PHEX: variants seen among roughly 807,000 people sequenced by gnomAD.
PHEX encodes phosphate regulating endopeptidase X-linked, also known as phosphate-regulating neutral endopeptidase PHEX.
PHEX carries 16 observed loss-of-function variants against 68.0 expected under a neutral mutation model. The ratio of observed to expected loss-of-function variants is 0.24; its 90% CI spans 0.16 to 0.36. The LOEUF (loss-of-function observed/expected upper bound fraction) is 0.36, where lower values mean the gene tolerates loss of function less well. Ranked by LOEUF, PHEX falls within the 10% of genes least tolerant of loss-of-function variation. The pLI is 1.00. For synonymous variants in PHEX, 208 were observed against 205.1 expected (o/e 1.01, Z -0.12); for missense variants, 480 against 575.5 (o/e 0.83, Z 1.70).
chrX:22,170,052 A>G (rs763683520), intron 13 of PHEX, among the ~76,000 whole-genome samples: 9 of 112,394 alleles, frequency 8.0e-5, no homozygotes, highest in African/African-American at 2.3e-4. Context: ...ATTGATCCTT[A>G]ATAGAAATAG....
intron 12 of PHEX, among the ~76,000 whole-genome samples, chrX:22,160,246 A>C (rs1421810250): frequency 8.9e-6 from 1 of 111,823 alleles, no homozygotes; most frequent in Non-Finnish European, 1.9e-5. Flanking sequence ...AGCGGCAGGC[A>C]AGCAAGAGAA....
rs1556135308 is a variant in PHEX at position 22,219,053 on chromosome X, C to A, written c.1718C>A (p.Ala573Asp). The change falls in exon 17 of 22, where the codon GCT (alanine) becomes GAT (aspartate). Residue 573 changes from alanine (A) to aspartate (D), a missense_variant. Coordinates refer to ENST00000379374, the MANE Select transcript of PHEX (RefSeq NM_000444.6). The part of the protein sequence containing the change: ...TEYPRSLSYG[A>D]IGVIVGHEFT... The stretch of plus-strand genomic sequence containing the variant: ...TGCCATAGATCTCTGAGTTATGGTG[C>A]TATAGGAGTAATTGTCGGACATGAA... 1 of 1,179,243 alleles carries A rather than the reference C, an allele frequency of 8.5e-7. No individual in the cohort carries two copies.
chrX:22,204,707 A>C (rs1030844710), intron 15 of PHEX, among the ~76,000 whole-genome samples: 41 of 112,139 alleles, frequency 3.7e-4, no homozygotes, highest in African/African-American at 1.1e-3. Flanking sequence ...TGACACTCCA[A>C]AATTAGGATC....
intron 3 of PHEX, among the ~76,000 whole-genome samples, chrX:22,049,534 C>T (rs1191781368): frequency 9.0e-6 from 1 of 111,581 alleles, no homozygotes; most frequent in Non-Finnish European, 1.9e-5. Flanking sequence ...TGAAAGAGTA[C>T]TCTAAATTTC....
chrX:22,196,875 G>A (rs1308653589), intron 15 of PHEX, among the ~76,000 whole-genome samples: 2 of 111,625 alleles, frequency 1.8e-5, no homozygotes, highest in African/African-American at 3.3e-5. Context: ...TGGGGGCATC[G>A]AATTATGGAA....
At chrX:22,089,715 C>A (rs1267607775) in intron 5 of PHEX, among the ~76,000 whole-genome samples, 1 of 111,864 alleles carries the variant, frequency 8.9e-6, no homozygotes, top group East Asian at 2.8e-4. Flanking sequence ...GCCACCACAC[C>A]AGCCTAAGGT....
chrX:22,099,080 C>T lies in PHEX; in HGVS notation c.1008C>T (p.Ser336=), dbSNP rs775973349. 35 of 1,205,627 alleles carry T rather than the reference C, an allele frequency of 2.9e-5. No homozygotes were observed. In the South Asian group the frequency reaches 3.5e-4, roughly 12 times the overall value. The change falls in exon 9 of 22, where the codon TCC becomes TCT. Residue 336 remains serine, a synonymous_variant. Coordinates refer to ENST00000379374, the MANE Select transcript of PHEX (RefSeq NM_000444.6). ...CCCATCTGAAAGACATCAGCCCCTCCGAGAATGTGGTGGTCCGCGTCCCGC... is the reference window on the plus strand; with the variant it reads ...CCCATCTGAAAGACATCAGCCCCTCTGAGAATGTGGTGGTCCGCGTCCCGC... ...LYPHLKDISP[S]ENVVVRVPQY... is the part of the protein sequence containing the mutation.
chrX:22,161,882 A>G (rs1408377370), intron 12 of PHEX, among the ~76,000 whole-genome samples: 3 of 111,839 alleles, frequency 2.7e-5, no homozygotes, highest in Non-Finnish European at 5.6e-5. Flanking sequence ...AACCTTGAAG[A>G]ATTAATAATT....
At chrX:22,151,528 T>C (rs1932855013) in intron 12 of PHEX, among the ~76,000 whole-genome samples, 1 of 111,553 alleles carries the variant, frequency 9.0e-6, no homozygotes, top group Non-Finnish European at 1.9e-5. Context: ...CCAGGAATCC[T>C]TGGGCCAGGG....
chrX:22,111,763 A>G (rs776060116), intron 10 of PHEX, among the ~76,000 whole-genome samples: 13 of 111,720 alleles, frequency 1.2e-4, no homozygotes, highest in Non-Finnish European at 2.4e-4. Context: ...GGTACACTCA[A>G]GTTTTACTTT....
In PHEX at chrX:22,091,864, C is replaced by T. The variant is rs147437785; in HGVS notation, c.732+1367C>T. Among the ~76,000 whole-genome samples the T allele has an allele frequency of 2.0e-4, 22 of 112,125 alleles. No individual in the cohort carries two copies. In the East Asian group the frequency reaches 3.4e-3, roughly 17 times the overall value. The stretch of plus-strand genomic sequence containing the variant: ...AGAAGGTGAATGAGGAGCAAAGTCA[C>T]GTCTTACATGGTGTCAGGCAAGAGA... On this transcript the variant is annotated intron_variant, in intron 6 of 21. Transcript: ENST00000379374.
At chrX:22,117,069 G>T (rs1358089340) in intron 11 of PHEX, among the ~76,000 whole-genome samples, 1 of 112,009 alleles carries the variant, frequency 8.9e-6, no homozygotes, top group Non-Finnish European at 1.9e-5. Flanking sequence ...GGCTCCAGAA[G>T]AAGGTCTTCA....
intron 15 of PHEX, among the ~76,000 whole-genome samples, chrX:22,201,547 ACAGACCC>A (rs1934557765): frequency 9.1e-6 from 1 of 110,284 alleles, no homozygotes; most frequent in Admixed American, 9.7e-5. Context: ...AGGTCCTGAT[ACAGACCC>A]CCAGTTTCTG....
rs146934972 is a variant in PHEX at position 22,160,238 on chromosome X, C to T, written c.1405-8074C>T. On this transcript the variant is annotated intron_variant, in intron 12 of 21. Transcript: ENST00000379374. ...AAGAGCAAAGTCATATCTTGCATAG[C>T]GGCAGGCAAGCAAGAGAAAGCATGT... 3.4e-3 allele frequency among the ~76,000 whole-genome samples: 384 copies of T among 111,628 alleles called. 1 individual carries two copies. Among genetic ancestry groups the T allele is most frequent in the African/African-American group, 0.012 (363 of 30,744 alleles).
At chrX:22,224,308 C>T (rs1470302388) in intron 18 of PHEX, among the ~76,000 whole-genome samples, 2 of 111,643 alleles carry the variant, frequency 1.8e-5, no homozygotes, top group Non-Finnish European at 3.8e-5. Flanking sequence ...TTCAGAAAGT[C>T]GTTTCAGGAA....
At chrX:22,242,862 A>G (rs1040856232) in intron 20 of PHEX, among the ~76,000 whole-genome samples, 1 of 111,985 alleles carries the variant, frequency 8.9e-6, no homozygotes, top group African/African-American at 3.3e-5. Flanking sequence ...GCTCAAGGTA[A>G]TCTATAGATT....
intron 5 of PHEX, among the ~76,000 whole-genome samples, chrX:22,082,481 T>A (rs1197753338): frequency 8.9e-6 from 1 of 112,753 alleles, no homozygotes; most frequent in Non-Finnish European, 1.9e-5. Flanking sequence ...TTTTTTCATA[T>A]GCTTGTTGGT....
chrX:22,105,247 C>T (rs1930629246), intron 9 of PHEX, among the ~76,000 whole-genome samples: 1 of 112,429 alleles, frequency 8.9e-6, no homozygotes, highest in African/African-American at 3.2e-5. Context: ...TATATACATT[C>T]AAGTTTAAGA....
intron 14 of PHEX, among the ~76,000 whole-genome samples, chrX:22,188,254 GT>G (rs200503961): frequency 3.0e-3 from 326 of 109,050 alleles, no homozygotes; most frequent in African/African-American, 0.01. Context: ...ATTTATACAA[GT>G]TTTTTTTTTC....
Sources: gnomAD v4.1 joint callset for allele counts (sites outside exome capture counted in the v4.1 genomes callset) on GRCh38, gnomAD v4.1.1 for gene constraint, MANE v1.5 for transcripts, NCBI Gene and HGNC (gene_info 2026-07-23, HGNC 2026-07-21) for gene names.